FAM234B: variants seen among roughly 807,000 people sequenced by gnomAD.
The protein encoded by FAM234B is family with sequence similarity 234 member B, also known as protein FAM234B.
Under a neutral mutation model 69.3 loss-of-function variants are expected in FAM234B, and 33 were observed. The ratio of observed to expected loss-of-function variants is 0.48; its 90% confidence interval spans 0.36 to 0.64. The LOEUF is 0.64. Ranked by LOEUF, FAM234B falls within the 30% of genes least tolerant of loss-of-function variation. FAM234B has a pLI of 0.00. For missense variants in FAM234B, 697 were observed against 769.7 expected, an observed-to-expected ratio of 0.91 and a Z score of 1.12; for synonymous variants, 306 against 306.9, an observed-to-expected ratio of 1.00 and a Z score of 0.03.
intron 1 of FAM234B, among the ~76,000 whole-genome samples, chr12:13,053,620 G>A (rs1354954254): frequency 6.6e-6 from 1 of 152,154 alleles, no homozygotes; most frequent in Non-Finnish European, 1.5e-5. Context: ...GCTTCAAAGG[G>A]CAATAAAGAT....
chr12:13,059,313 TGGG>T (rs1453386066), intron 3 of FAM234B, among the ~76,000 whole-genome samples: 1 of 152,206 alleles, frequency 6.6e-6, no homozygotes, highest in Non-Finnish European at 1.5e-5. Flanking sequence ...GTGTCTTTGT[TGGG>T]GAGCCTAACA....
chr12:13,072,717 G>A (rs1267963297), intron 10 of FAM234B, among the ~76,000 whole-genome samples: 1 of 143,298 alleles, frequency 7.0e-6, no homozygotes, highest in Non-Finnish European at 1.5e-5. Context: ...GCGACAGTGC[G>A]AGACTTTGTC....
chr12:13,050,004 G>A (rs535329734), intron 1 of FAM234B, among the ~76,000 whole-genome samples: 2 of 152,316 alleles, frequency 1.3e-5, no homozygotes, highest in African/African-American at 4.8e-5. Context: ...GGCCTGTTAA[G>A]TCAGCTGGCT....
At chr12:13,064,275 G>A (rs1865013865) in intron 5 of FAM234B, among the ~76,000 whole-genome samples, 1 of 152,202 alleles carries the variant, frequency 6.6e-6, no homozygotes, top group African/African-American at 2.4e-5. Context: ...AATTATTCAT[G>A]TAATCTTTTT....
At chr12:13,054,495 C>T (rs866407877) in intron 1 of FAM234B, among the ~76,000 whole-genome samples, 3 of 152,178 alleles carry the variant, frequency 2.0e-5, no homozygotes, top group Admixed American at 1.3e-4. Context: ...AATGACATCA[C>T]CAAGGCCATA....
intron 1 of FAM234B, among the ~76,000 whole-genome samples, chr12:13,050,446 C>T (rs1208667151): frequency 2.6e-5 from 4 of 152,176 alleles, no homozygotes; most frequent in African/African-American, 7.2e-5. Context: ...TCAGCTTGTA[C>T]TTTTCCTCAT....
chr12:13,055,584 C>T lies in FAM234B; in HGVS notation c.71C>T (p.Pro24Leu). ...AGCCCAGACCTAGGGGAGTATGATCCACTTACCCAGGCTGACAGTGATGAG... is the reference window on the plus strand; with the variant it reads ...AGCCCAGACCTAGGGGAGTATGATCTACTTACCCAGGCTGACAGTGATGAG... ...KKSPDLGEYD[P>L]LTQADSDESE... The change falls in exon 2 of 13, where the codon CCA becomes CTA. Residue 24 changes from proline to leucine, a missense_variant. Physicochemically the swap from Pro to Leu is moderately conservative, Grantham distance 98. Around this residue, in one of 3 missense-constraint regions of FAM234B, gnomAD observed 380 missense variants for 447.1 expected, o/e 0.85. Transcript: ENST00000197268. 1 of 1,610,972 alleles carries T rather than the reference C, an allele frequency of 6.2e-7. No individual in the cohort carries two copies.
chr12:13,068,191 A>C (rs1450646854), intron 7 of FAM234B, 113 bp from the exon 8 acceptor site: 3 of 989,642 alleles, frequency 3.0e-6, no homozygotes, highest in Non-Finnish European at 4.6e-6. Flanking sequence ...ATGGTGGGGC[A>C]TGAATACAAG....
intron 1 of FAM234B, among the ~76,000 whole-genome samples, chr12:13,048,710 T>G (rs187752009): frequency 1.3e-5 from 2 of 152,306 alleles, no homozygotes; most frequent in Admixed American, 6.5e-5. Context: ...CACTTGCTGT[T>G]TATCTGTGGG....
chr12:13,080,748 C>T lies in FAM234B; in HGVS notation c.*118C>T. 1.2e-6 allele frequency: 1 copy of T among 856,844 alleles called. No homozygotes were observed. Among genetic ancestry groups the T allele is most frequent in the Non-Finnish European group, 1.9e-6 (1 of 529,516 alleles). The allele number at this position is 856,844 out of a possible 1,614,324, so 53.1% of individuals were successfully genotyped here. Reference sequence around the variant, plus strand: ...CTTCTTCGTCCTCATTTACCACCTCCCTGATGGTTGCAAAGGCTTGGGAAG... The same window carrying T: ...CTTCTTCGTCCTCATTTACCACCTCTCTGATGGTTGCAAAGGCTTGGGAAG... On this transcript the variant is annotated 3_prime_UTR_variant, in exon 13 of 13. Transcript: ENST00000197268.
chr12:13,079,159 C>A (rs930713134), intron 11 of FAM234B, among the ~76,000 whole-genome samples: 1 of 152,120 alleles, frequency 6.6e-6, no homozygotes, highest in Non-Finnish European at 1.5e-5. Context: ...GCTACAGTAA[C>A]CAAAACAGCA....
chr12:13,072,517 G>A (rs1865117049), intron 10 of FAM234B, among the ~76,000 whole-genome samples: 1 of 152,082 alleles, frequency 6.6e-6, no homozygotes, highest in South Asian at 2.1e-4. Context: ...GAATCACAAG[G>A]TCAGGAGTTC....
chr12:13,044,491 A>G lies in FAM234B; in HGVS notation c.37+51A>G. The G allele has an allele frequency of 1.9e-6, 3 of 1,541,348 alleles. No homozygotes were observed. The highest frequency in any genetic ancestry group is 2.6e-6 in the Non-Finnish European group (3 of 1,138,586). On this transcript the variant is annotated intron_variant, in intron 1 of 12. Transcript: ENST00000197268. This position sits in a 1 kb window ranked among gnomAD's most constrained non-coding sequence, Gnocchi z 5.6. ...CCCAGTCCCCGCCGGTGTTGGAATA[A>G]GGGGAGGCGAGGCTCTGGGGGCGAG...
At chr12:13,052,459 A>G (rs1864886178) in intron 1 of FAM234B, among the ~76,000 whole-genome samples, 1 of 152,140 alleles carries the variant, frequency 6.6e-6, no homozygotes, top group South Asian at 2.1e-4. Flanking sequence ...TAAATTGTCA[A>G]AAAATACATA....
chr12:13,052,910 C>T (rs1280420344), intron 1 of FAM234B, among the ~76,000 whole-genome samples: 1 of 152,288 alleles, frequency 6.6e-6, no homozygotes, highest in East Asian at 1.9e-4. Context: ...ATTATTCTAA[C>T]AACCCATGGC....
At chr12:13,055,992 A>G (rs1299593149) in intron 2 of FAM234B, 46 bp downstream of exon 2, 12 of 1,478,682 alleles carry the variant, frequency 8.1e-6, no homozygotes, top group Middle Eastern at 3.6e-4. Context: ...ACTTCATGCT[A>G]TGTCTGATTA....
chr12:13,065,941 T>C (rs1865031020), intron 5 of FAM234B, among the ~76,000 whole-genome samples: 1 of 152,242 alleles, frequency 6.6e-6, no homozygotes, highest in African/African-American at 2.4e-5. Context: ...AACTGGTGAC[T>C]CTACCCCAAA....
chr12:13,054,416 A>G (rs1864908071), intron 1 of FAM234B, among the ~76,000 whole-genome samples: 1 of 152,224 alleles, frequency 6.6e-6, no homozygotes, highest in Non-Finnish European at 1.5e-5. Context: ...TTCCCGCAAC[A>G]ATCTGGTCTC....
Position 13,076,114 on chromosome 12 carries a change from A to T in FAM234B, c.1613A>T (p.Asn538Ile). ...AFPSILLDLA[N>I]TTGTVTASEV... ...CCCTCCATCCTTCTGGATCTGGCCAACACCACCGGCACAGTGACGGCTTCA... is the reference window on the plus strand; with the variant it reads ...CCCTCCATCCTTCTGGATCTGGCCATCACCACCGGCACAGTGACGGCTTCA... The change falls in exon 11 of 13, where the codon AAC (asparagine) becomes ATC (isoleucine). Residue 538 changes from asparagine to isoleucine, a missense_variant. Physicochemically the swap from Asn to Ile is moderately radical, Grantham distance 149. Coordinates refer to ENST00000197268, the MANE Select transcript of FAM234B (RefSeq NM_020853.2). The T allele has an allele frequency of 6.2e-7, 1 of 1,613,840 alleles. No individual in the cohort carries two copies. Among genetic ancestry groups the T allele is most frequent in the South Asian group, 1.1e-5 (1 of 91,058 alleles).
Sources: allele counts gnomAD v4.1 joint callset (sites outside exome capture counted in the v4.1 genomes callset), GRCh38; gene constraint gnomAD v4.1.1; regional missense constraint gnomAD v4.1.1; non-coding constraint Gnocchi (gnomAD v3.1); transcripts MANE v1.5; gene names NCBI Gene and HGNC (gene_info 2026-07-23, HGNC 2026-07-21).